LRRC4C: variants seen among roughly 807,000 people sequenced by gnomAD.
LRRC4C encodes leucine-rich repeat-containing protein 4C.
LRRC4C carries 5 observed loss-of-function variants against 33.6 expected under a neutral mutation model. That is an observed-to-expected ratio of 0.15 (90% confidence interval 0.08 to 0.31). LRRC4C has a LOEUF of 0.31. LRRC4C is among the 10% of genes least tolerant of loss of function. The pLI is 1.00. For synonymous variants in LRRC4C, 329 were observed against 302.0 expected (o/e 1.09, Z -0.93); for missense variants, 560 against 796.7 (o/e 0.70, Z 3.58).
At chr11:40,630,674 A>C (rs553791800) in intron 3 of LRRC4C, among the ~76,000 whole-genome samples, 1 of 152,272 alleles carries the variant, frequency 6.6e-6, no homozygotes, top group South Asian at 2.1e-4. Flanking sequence ...ATAACATCTC[A>C]GTATCATTCA....
chr11:40,272,806 G>T (rs1315290086), intron 4 of LRRC4C, among the ~76,000 whole-genome samples: 1 of 151,648 alleles, frequency 6.6e-6, no homozygotes, highest in Non-Finnish European at 1.5e-5. Flanking sequence ...TTCAGACTAT[G>T]TGAACAGAGT....
chr11:40,283,242 C>G (rs1313754276), intron 4 of LRRC4C, among the ~76,000 whole-genome samples: 1 of 152,100 alleles, frequency 6.6e-6, no homozygotes, highest in Non-Finnish European at 1.5e-5. Flanking sequence ...TCCTCAAGAA[C>G]AGCTATTATC....
intron 2 of LRRC4C, among the ~76,000 whole-genome samples, chr11:40,911,416 G>A (rs540867429): frequency 9.9e-5 from 15 of 152,154 alleles, no homozygotes; most frequent in Admixed American, 5.9e-4. Context: ...ATCCTCTGAC[G>A]CTGATACCCA....
intron 3 of LRRC4C, among the ~76,000 whole-genome samples, chr11:40,425,170 TG>T (rs1466963173): frequency 6.6e-6 from 1 of 152,012 alleles, no homozygotes; most frequent in Admixed American, 6.5e-5. Flanking sequence ...TTGTGGGGGA[TG>T]TTAAATCATA....
chr11:41,452,084 T>A (rs1358656303), intron 1 of LRRC4C, among the ~76,000 whole-genome samples: 1 of 152,164 alleles, frequency 6.6e-6, no homozygotes, highest in Non-Finnish European at 1.5e-5. Flanking sequence ...ATTCAAACAT[T>A]TGTCTCAACT....
chr11:40,618,893 A>C (rs919880166), intron 3 of LRRC4C, among the ~76,000 whole-genome samples: 1 of 151,758 alleles, frequency 6.6e-6, no homozygotes, highest in African/African-American at 2.4e-5. Flanking sequence ...CTATTTGTAC[A>C]TCTATAAATG....
intron 1 of LRRC4C, among the ~76,000 whole-genome samples, chr11:41,000,777 T>C (rs1160075033): frequency 6.6e-6 from 1 of 152,156 alleles, no homozygotes; most frequent in Non-Finnish European, 1.5e-5. Context: ...GTGGATATTA[T>C]ATTTAAAATG....
intron 1 of LRRC4C, among the ~76,000 whole-genome samples, chr11:41,046,253 A>T (rs77325003): frequency 1.3e-5 from 2 of 152,188 alleles, no homozygotes; most frequent in African/African-American, 4.8e-5. Context: ...CTTCACAGCC[A>T]TTCCACAAGG....
intron 3 of LRRC4C, among the ~76,000 whole-genome samples, chr11:40,345,956 C>T (rs1947110108): frequency 6.6e-6 from 1 of 152,152 alleles, no homozygotes; most frequent in Non-Finnish European, 1.5e-5. Context: ...AACAGCTCAA[C>T]ATCACTGATC....
At chr11:41,440,711 G>A (rs1174974610) in intron 1 of LRRC4C, among the ~76,000 whole-genome samples, 1 of 151,980 alleles carries the variant, frequency 6.6e-6, no homozygotes, top group Non-Finnish European at 1.5e-5. Flanking sequence ...TCATAGGGGC[G>A]GATTTCCCCC....
chr11:41,365,015 C>T (rs1952485292), intron 1 of LRRC4C, among the ~76,000 whole-genome samples: 1 of 152,010 alleles, frequency 6.6e-6, no homozygotes, highest in African/African-American at 2.4e-5. Flanking sequence ...TTGACTAGTG[C>T]AGGGGTCCCC....
At position 40,894,215 on chromosome 11, in the gene LRRC4C, G is replaced by A. The variant is rs78410868; in HGVS notation, c.-407+39420C>T. The stretch of plus-strand genomic sequence containing the variant: ...GACTTTTAGTCCAAAGATTCAAAAC[G>A]TATTGATACATGTCTCTAAAATGCT... On this transcript the variant is annotated intron_variant, in intron 2 of 6. Coordinates refer to ENST00000528697, the MANE Select transcript of LRRC4C (RefSeq NM_001258419.2). Among the ~76,000 whole-genome samples the A allele has an allele frequency of 3.4e-4, 51 of 152,108 alleles. No individual in the cohort carries two copies. The East Asian group carries it at 8.1e-3, about 24-fold the overall frequency.
At chr11:41,417,693 C>T (rs76036025) in intron 1 of LRRC4C, among the ~76,000 whole-genome samples, 4,999 of 151,910 alleles carry the variant, frequency 0.033, 107 homozygotes, top group African/African-American at 0.069. Flanking sequence ...TTACCAACAT[C>T]CAGCTCCCTT....
chr11:40,751,745 C>T (rs188883674), intron 2 of LRRC4C, among the ~76,000 whole-genome samples: 33 of 152,064 alleles, frequency 2.2e-4, no homozygotes, highest in Non-Finnish European at 1.6e-4. Flanking sequence ...GAAATAGAAA[C>T]AAATACAATT....
At chr11:41,158,730 CT>C (rs1205241156) in intron 1 of LRRC4C, among the ~76,000 whole-genome samples, 1 of 152,046 alleles carries the variant, frequency 6.6e-6, no homozygotes, top group Non-Finnish European at 1.5e-5. Flanking sequence ...CAGATATTAC[CT>C]AAATTAAACA....
chr11:40,733,200 C>T (rs183964790), intron 2 of LRRC4C, among the ~76,000 whole-genome samples: 153 of 148,708 alleles, frequency 1.0e-3, no homozygotes, highest in African/African-American at 3.5e-3. Flanking sequence ...CTCAGCCTCC[C>T]GAGTAGCTGG....
intron 3 of LRRC4C, among the ~76,000 whole-genome samples, chr11:40,347,788 A>G (rs1442537160): frequency 6.6e-6 from 1 of 152,072 alleles, no homozygotes; most frequent in Non-Finnish European, 1.5e-5. Context: ...TTACATTTTT[A>G]GTAGAGATGG....
At chr11:41,143,586 C>T (rs1262868802) in intron 1 of LRRC4C, among the ~76,000 whole-genome samples, 23 of 152,118 alleles carry the variant, frequency 1.5e-4, no homozygotes, top group Admixed American at 2.6e-4. Context: ...GGACATTTGT[C>T]ATATAAAATA....
chr11:40,972,876 A>G (rs1275671492), intron 1 of LRRC4C, among the ~76,000 whole-genome samples: 3 of 152,082 alleles, frequency 2.0e-5, no homozygotes, highest in African/African-American at 7.2e-5. Context: ...CCCCACCCAA[A>G]TCTCATGTCA....
Sources: gnomAD v4.1 joint callset for allele counts (sites outside exome capture counted in the v4.1 genomes callset) on GRCh38, gnomAD v4.1.1 for gene constraint, MANE v1.5 for transcripts, NCBI Gene and HGNC (gene_info 2026-07-23, HGNC 2026-07-21) for gene names.